The following OLFM1 variants were observed in gnomAD, a reference collection of about 807,000 sequenced individuals.
OLFM1 encodes olfactomedin 1.
In OLFM1, 9 loss-of-function variants were observed where a neutral mutation model predicts 49.7. That is an observed-to-expected ratio of 0.18 (90% confidence interval 0.11 to 0.32). The LOEUF is 0.32. Among genes scored for constraint, OLFM1 ranks in the 10% least tolerant of loss-of-function variants. The pLI is 1.00. For missense variants in OLFM1, 369 were observed against 661.8 expected (o/e 0.56, Z 4.85); for synonymous variants, 240 against 271.8 (o/e 0.88, Z 1.15).
At chr9:135,096,055 C>A (rs780372163) in intron 3 of OLFM1, 36 bp downstream of exon 3, 7 of 1,463,690 alleles carry the variant, frequency 4.8e-6, no homozygotes, top group East Asian at 5.0e-5. Context: ...TCCCCTTATC[C>A]TCCTCCTCCT....
At chr9:135,102,952 T>C (rs1459756092) in intron 4 of OLFM1, among the ~76,000 whole-genome samples, 1 of 152,214 alleles carries the variant, frequency 6.6e-6, no homozygotes, top group African/African-American at 2.4e-5. Context: ...TGCGTAGAAG[T>C]GGCCTCCTCT....
chr9:135,075,664 C>T (rs541576495), exon 1 of OLFM1: 11 of 1,441,924 alleles, frequency 7.6e-6, no homozygotes, highest in East Asian at 2.7e-5. Context: ...GGAGCGCGTC[C>T]GCGTCCACGC....
upstream of OLFM1, among the ~76,000 whole-genome samples, chr9:135,084,639 C>G (rs1830575568): frequency 6.6e-6 from 1 of 151,986 alleles, no homozygotes; most frequent in African/African-American, 2.4e-5. The surrounding 1 kb of genome is among the most constrained non-coding windows in gnomAD (Gnocchi z 4.6). Flanking sequence ...TTTCTTCCTC[C>G]CCTCCCCTTG....
chr9:135,112,447 G>T lies in OLFM1; in HGVS notation c.783+5592G>T, dbSNP rs184303693. Among the ~76,000 whole-genome samples the T allele has an allele frequency of 1.4e-3, 218 of 152,358 alleles. 4 individuals are homozygous for T. The highest frequency in any genetic ancestry group is 1.4e-3 in the East Asian group (7 of 5,174). ...TTTGCGTGGAGCCATGGCCCCTCAT[G>T]AGGTCAGAAGCTTTGGGAGGACAGG... is the stretch of plus-strand genomic sequence containing the variant. On this transcript the variant is annotated intron_variant, in intron 5 of 5. Coordinates refer to ENST00000371793, the MANE Select transcript of OLFM1 (RefSeq NM_001282611.2).
chr9:135,087,703 G>T lies in OLFM1; in HGVS notation c.-287G>T, dbSNP rs1349695342. ...GGCGCTTCCCGGTGGCGGCGGAGGA[G>T]CCCGGAGGGACGCAGCCGGGCAAGG... On this transcript the variant is annotated 5_prime_UTR_variant, in exon 1 of 6. Coordinates refer to ENST00000371793, the MANE Select transcript of OLFM1 (RefSeq NM_001282611.2). 1 of 405,912 alleles carries T rather than the reference G, an allele frequency of 2.5e-6. No homozygotes were observed. The highest frequency in any genetic ancestry group is 3.5e-6 in the Non-Finnish European group (1 of 288,594). The allele number at this position is 405,912 out of a possible 1,614,324, so 25.1% of individuals were successfully genotyped here.
Position 135,098,002 on chromosome 9 carries a change from CA to C in OLFM1, c.457-283del. On this transcript the variant is annotated intron_variant, in intron 3 of 5. Coordinates refer to ENST00000371793, the MANE Select transcript of OLFM1 (RefSeq NM_001282611.2). This position sits in a 1 kb window ranked among gnomAD's most constrained non-coding sequence, Gnocchi z 5.6. ...TGAATAGTTTGAACCCTTGTCAATG[CA>C]TTTTTTGAAAAAGAAAGAAAAAAAA... The C allele has an allele frequency of 7.1e-7, 1 of 1,410,064 alleles. No individual in the cohort carries two copies. The highest frequency in any genetic ancestry group is 9.2e-7 in the Non-Finnish European group (1 of 1,089,694). 87.3% of individuals were successfully genotyped at this position (1,410,064 alleles called of 1,614,324 possible).
intron 3 of OLFM1, among the ~76,000 whole-genome samples, chr9:135,096,577 C>T (rs1015278889): frequency 2.0e-5 from 3 of 152,348 alleles, no homozygotes; most frequent in Admixed American, 2.0e-4. Context: ...CCCAAGCCCC[C>T]GTCAGTGTGG....
At chr9:135,118,386 CGCTGGGTCTTTGG>C (rs1831126547) in intron 5 of OLFM1, among the ~76,000 whole-genome samples, 1 of 147,492 alleles carries the variant, frequency 6.8e-6, no homozygotes, top group Admixed American at 6.8e-5. Flanking sequence ...TTGGAGTGCT[CGCTGGGTCTTTGG>C]AGTGCTCGCT....
intron 1 of OLFM1, 30 bp from the exon 2 acceptor site, chr9:135,090,165 C>CCT: frequency 6.3e-7 from 1 of 1,584,730 alleles, no homozygotes; most frequent in East Asian, 2.3e-5. Flanking sequence ...TCTCTCCTTC[C>CCT]CTCTCCCTTC....
intron 4 of OLFM1, among the ~76,000 whole-genome samples, chr9:135,104,124 G>A (rs895985104): frequency 2.0e-5 from 3 of 152,206 alleles, no homozygotes; most frequent in Admixed American, 6.5e-5. Flanking sequence ...TGAGATGTAC[G>A]GTGGGAAGCT....
Position 135,091,682 on chromosome 9 carries a change from T to TCTCTCACACACACACAGTCACACACAC in OLFM1, c.300+1338_300+1339insCTCTCACACACACACAGTCACACACAC, listed in dbSNP as rs1564270847. ...ACACACACAGTCACACACTCACACA[T>TCTCTCACACACACACAGTCACACACAC]AGTCTCACACACACACAGTCACACT... On this transcript the variant is annotated intron_variant, in intron 2 of 5. Transcript: ENST00000371793. Among the ~76,000 whole-genome samples, 14 of 13,286 alleles carry TCTCTCACACACACACAGTCACACACAC rather than the reference T, an allele frequency of 1.1e-3. 3 individuals are homozygous for TCTCTCACACACACACAGTCACACACAC. The highest frequency in any genetic ancestry group is 3.6e-3 in the Admixed American group (5 of 1,370). The allele number at this position is 13,286 out of a possible 152,430, so 8.7% of individuals were successfully genotyped here. A position where few individuals can be genotyped will look rare whatever the true frequency, so the allele number is the denominator to read the frequency against.
At position 135,088,184 on chromosome 9, in the gene OLFM1, T is replaced by C. The variant is rs1437190270; in HGVS notation, c.150+45T>C. On this transcript the variant is annotated intron_variant, in intron 1 of 5. Transcript: ENST00000371793. The surrounding 1 kb of genome is among the most constrained non-coding windows in gnomAD (Gnocchi z 4.8). ...GCCTTGGCGCGGCTCCTCCTCCTCC[T>C]CCTCCTCCCCCTCCTCGGTCCGGAG... 2 of 1,266,516 alleles carry C rather than the reference T, an allele frequency of 1.6e-6. No individual in the cohort carries two copies. Among genetic ancestry groups the C allele is most frequent in the Non-Finnish European group, 2.0e-6 (2 of 997,176 alleles). 78.5% of individuals were successfully genotyped at this position (1,266,516 alleles called of 1,614,324 possible). A position where few individuals can be genotyped will look rare whatever the true frequency, so the allele number is the denominator to read the frequency against.
chr9:135,101,313 G>T (rs566871374), intron 4 of OLFM1, among the ~76,000 whole-genome samples: 2 of 152,278 alleles, frequency 1.3e-5, no homozygotes, highest in South Asian at 2.1e-4. Flanking sequence ...GTGACTGCAG[G>T]TTCCATGGTC....
Position 135,098,970 on chromosome 9 carries a change from A to G in OLFM1, c.676+465A>G, listed in dbSNP as rs538978712. Among the ~76,000 whole-genome samples, 148 of 152,362 alleles carry G rather than the reference A, an allele frequency of 9.7e-4. No individual in the cohort carries two copies. The highest frequency in any genetic ancestry group is 2.7e-3 in the Admixed American group (42 of 15,306). On this transcript the variant is annotated intron_variant, in intron 4 of 5. Coordinates refer to ENST00000371793, the MANE Select transcript of OLFM1 (RefSeq NM_001282611.2). The surrounding 1 kb of genome is among the most constrained non-coding windows in gnomAD (Gnocchi z 5.6). ...ACATCTCAGTAGAGCTGCCATTCAC[A>G]GCACGGGAGGGAGCCCCTGCTCACA...
At chr9:135,087,580 A>G, upstream of OLFM1, 1 of 990,480 alleles carries the variant, frequency 1.0e-6, no homozygotes, top group Non-Finnish European at 1.4e-6. Context: ...GGAAAAATCC[A>G]CCCATTTCCT....
At chr9:135,076,317 GC>G (rs1422257610) in intron 1 of OLFM1, 11 of 1,550,176 alleles carry the variant, frequency 7.1e-6, no homozygotes, top group Non-Finnish European at 9.6e-6. Flanking sequence ...AGGGCAGCCA[GC>G]GTGCCGGCCA....
chr9:135,120,346 G>C lies in OLFM1; in HGVS notation c.*168G>C. ...CATTACCTCCGTGTTTCTCCCTTTC[G>C]AGCCGGCGGGCCACAGACGTCGGAA... is the stretch of plus-strand genomic sequence containing the variant. On this transcript the variant is annotated 3_prime_UTR_variant, in exon 6 of 6. Transcript: ENST00000371793. 2 of 662,340 alleles carry C rather than the reference G, an allele frequency of 3.0e-6. No homozygotes were observed. Among genetic ancestry groups the C allele is most frequent in the Non-Finnish European group, 5.0e-6 (2 of 398,262 alleles). 41.0% of individuals were successfully genotyped at this position (662,340 alleles called of 1,614,324 possible). A position where few individuals can be genotyped will look rare whatever the true frequency, so the allele number is the denominator to read the frequency against.
At position 135,098,475 on chromosome 9, in the gene OLFM1, G is replaced by A; in HGVS notation, c.646G>A (p.Glu216Lys). The A allele has an allele frequency of 6.2e-7, 1 of 1,613,754 alleles. No individual in the cohort carries two copies. The highest frequency in any genetic ancestry group is 8.5e-7 in the Non-Finnish European group (1 of 1,180,040). The change falls in exon 4 of 6, where the codon GAA becomes AAA. Residue 216 changes from glutamate to lysine, a missense_variant. Glu to Lys is a moderately conservative substitution (Grantham distance 56). Coordinates refer to ENST00000371793, the MANE Select transcript of OLFM1 (RefSeq NM_001282611.2). This position sits in a 1 kb window ranked among gnomAD's most constrained non-coding sequence, Gnocchi z 5.6. ...ELQSRVSNLE[E>K]RLRACMQKLA... is the part of the protein sequence containing the mutation. The stretch of plus-strand genomic sequence containing the variant: ...TCAGAGCAGAGTGTCCAATCTTGAA[G>A]AAAGGCTCCGTGCATGCATGCAAAA...
chr9:135,075,898 GCCCCGCGCCC>G, intron 1 of OLFM1: 1 of 1,311,012 alleles, frequency 7.6e-7, no homozygotes, highest in South Asian at 1.5e-5. Context: ...GCTCCGCGCC[GCCCCGCGCCC>G]CCGGCCTGGG....
Sources: allele counts gnomAD v4.1 joint callset (sites outside exome capture counted in the v4.1 genomes callset), GRCh38; gene constraint gnomAD v4.1.1; non-coding constraint Gnocchi (gnomAD v3.1); transcripts MANE v1.5; gene names NCBI Gene and HGNC (gene_info 2026-07-23, HGNC 2026-07-21).